The following DAB1 variants were observed in gnomAD, a reference collection of about 807,000 sequenced individuals.
DAB1 encodes DAB adaptor protein 1.
DAB1 carries 15 observed loss-of-function variants against 64.6 expected under a neutral mutation model. The observed-to-expected ratio is 0.23, with a 90% CI of 0.16 to 0.36. The LOEUF is 0.36. DAB1 is among the 10% of genes least tolerant of loss of function. The pLI is 1.00. For missense variants in DAB1, 596 were observed against 706.7 expected, an observed-to-expected ratio of 0.84 and a Z score of 1.78; for synonymous variants, 235 against 251.9, an observed-to-expected ratio of 0.93 and a Z score of 0.64.
At chr1:57,570,571 C>T (rs1026142231) in intron 7 of DAB1, among the ~76,000 whole-genome samples, 4 of 152,092 alleles carry the variant, frequency 2.6e-5, no homozygotes, top group African/African-American at 9.7e-5. Flanking sequence ...GTTTTGGTGA[C>T]TATTGCCTTA....
At chr1:57,735,609 G>GTTTTTTTTTTT in intron 6 of DAB1, among the ~76,000 whole-genome samples, 1 of 95,208 alleles carries the variant, frequency 1.1e-5, no homozygotes, top group Non-Finnish European at 2.0e-5. Flanking sequence ...CTGTTTGCTT[G>GTTTTTTTTTTT]TTTTTTTTTT....
At chr1:57,050,141 T>C (rs955914417) in intron 9 of DAB1, among the ~76,000 whole-genome samples, 5 of 152,210 alleles carry the variant, frequency 3.3e-5, no homozygotes, top group African/African-American at 1.2e-4. Flanking sequence ...TCCGCTCTTC[T>C]AACACCTTTG....
chr1:57,949,497 ATCTATCTATCTATATCTG>A (rs1645235983), intron 5 of DAB1, among the ~76,000 whole-genome samples: 3 of 150,408 alleles, frequency 2.0e-5, no homozygotes, highest in Admixed American at 6.6e-5. Flanking sequence ...CTATCTATCT[ATCTATCTATCTATATCTG>A]TCTGTCTGTC....
intron 4 of DAB1, among the ~76,000 whole-genome samples, chr1:58,328,285 A>G (rs1662883664): frequency 6.6e-6 from 1 of 152,190 alleles, no homozygotes; most frequent in Non-Finnish European, 1.5e-5. Flanking sequence ...AAGCCTATCA[A>G]TTTCGCTTTC....
intron 2 of DAB1, among the ~76,000 whole-genome samples, chr1:57,238,841 G>GCACA (rs373675306): frequency 2.2e-4 from 31 of 138,394 alleles, no homozygotes; most frequent in South Asian, 4.9e-4. Context: ...GTGCACATGC[G>GCACA]CACACACACA....
intron 1 of DAB1, among the ~76,000 whole-genome samples, chr1:57,378,752 C>G (rs1681113766): frequency 1.3e-5 from 2 of 152,102 alleles, no homozygotes; most frequent in Admixed American, 1.3e-4. Context: ...GAAGGAGTCA[C>G]TAGAATGTAC....
chr1:57,950,445 C>T (rs1046817972), intron 5 of DAB1, among the ~76,000 whole-genome samples: 1 of 152,136 alleles, frequency 6.6e-6, no homozygotes, highest in African/African-American at 2.4e-5. Context: ...TTCTAACAGG[C>T]GTTCCTCATT....
At chr1:57,218,515 TAAAAAAAAA>T (rs776398255) in intron 2 of DAB1, among the ~76,000 whole-genome samples, 28,887 of 70,994 alleles carry the variant, frequency 0.41, 4,218 homozygotes, top group Middle Eastern at 0.57. Flanking sequence ...CCCCCATCTC[TAAAAAAAAA>T]AAAAAAAAAA....
At chr1:58,084,013 C>G (rs925419363) in intron 5 of DAB1, among the ~76,000 whole-genome samples, 7 of 152,070 alleles carry the variant, frequency 4.6e-5, no homozygotes, top group African/African-American at 1.7e-4. Context: ...GTTCACTGTG[C>G]CAGAGAAGGG....
chr1:58,406,356 C>A (rs1307580915), intron 3 of DAB1, among the ~76,000 whole-genome samples: 1 of 152,226 alleles, frequency 6.6e-6, no homozygotes, highest in Non-Finnish European at 1.5e-5. Flanking sequence ...AGTCACCCAC[C>A]TGTAATTGGC....
At chr1:57,888,914 C>G (rs1275480132), upstream of DAB1, among the ~76,000 whole-genome samples, 3 of 152,204 alleles carry the variant, frequency 2.0e-5, no homozygotes, top group African/African-American at 7.2e-5. Context: ...TACACTCACT[C>G]CTCTGTGGGT....
chr1:58,359,618 T>A, intron 3 of DAB1, among the ~76,000 whole-genome samples: 1 of 152,324 alleles, frequency 6.6e-6, no homozygotes, highest in South Asian at 2.1e-4. Flanking sequence ...TGGCTCTGCA[T>A]GCTTCAGTAA....
chr1:58,246,783 T>C (rs1282566923), intron 4 of DAB1, among the ~76,000 whole-genome samples: 1 of 152,066 alleles, frequency 6.6e-6, no homozygotes, highest in African/African-American at 2.4e-5. Flanking sequence ...AAATTGTGTG[T>C]GAGTGGTGTG....
intron 6 of DAB1, among the ~76,000 whole-genome samples, chr1:57,742,965 G>A (rs1310718479): frequency 1.3e-5 from 2 of 152,182 alleles, no homozygotes; most frequent in South Asian, 2.1e-4. Context: ...GTGTGCCGCT[G>A]TATACACAGG....
intron 6 of DAB1, among the ~76,000 whole-genome samples, chr1:57,733,760 G>T (rs560155934): frequency 6.6e-6 from 1 of 152,226 alleles, no homozygotes; most frequent in Non-Finnish European, 1.5e-5. Context: ...GAGAAGAAGG[G>T]CAGAGAGATT....
At chr1:57,617,473 C>T (rs750897541) in intron 7 of DAB1, among the ~76,000 whole-genome samples, 1 of 152,152 alleles carries the variant, frequency 6.6e-6, no homozygotes, top group Non-Finnish European at 1.5e-5. Context: ...AAGGAAGAAC[C>T]CAAGTTAAGA....
At chr1:57,776,031 T>C (rs1649782415) in intron 6 of DAB1, among the ~76,000 whole-genome samples, 1 of 151,802 alleles carries the variant, frequency 6.6e-6, no homozygotes, top group Non-Finnish European at 1.5e-5. Context: ...TTCTCTAGAT[T>C]TTTTATGATT....
intron 1 of DAB1, among the ~76,000 whole-genome samples, chr1:57,311,817 C>A (rs1674735130): frequency 6.6e-6 from 1 of 152,134 alleles, no homozygotes; most frequent in African/African-American, 2.4e-5. Context: ...CATGTGAATG[C>A]ATCTTTCTTG....
chr1:57,615,039 T>A (rs1311131484), intron 7 of DAB1, among the ~76,000 whole-genome samples: 1 of 151,772 alleles, frequency 6.6e-6, no homozygotes, highest in African/African-American at 2.4e-5. Context: ...CTGGCTAATT[T>A]TTTTGTATTT....
Sources: allele counts gnomAD v4.1 joint callset (sites outside exome capture counted in the v4.1 genomes callset), GRCh38; gene constraint gnomAD v4.1.1; transcripts MANE v1.5; gene names NCBI Gene and HGNC (gene_info 2026-07-23, HGNC 2026-07-21).